APBB1: variants seen among roughly 807,000 people sequenced by gnomAD.
APBB1 encodes the protein amyloid beta precursor protein binding family B member 1, also known as adaptor protein FE65a2.
A neutral mutation model predicts 78.4 loss-of-function variants in APBB1; 22 were observed. The ratio of observed to expected loss-of-function variants is 0.28; its 90% CI spans 0.20 to 0.40. The LOEUF is 0.40. Among genes scored for constraint, APBB1 ranks in the 10% least tolerant of loss-of-function variants. The probability of loss-of-function intolerance (pLI) is 1.00; values close to 1 mark genes in which losing one functional copy is unlikely to be tolerated. For missense variants in APBB1, 749 were observed against 932.4 expected (o/e 0.80, Z 2.56); for synonymous variants, 369 against 372.7 (o/e 0.99, Z 0.12).
rs1848962892 is a variant in APBB1 at position 6,411,412 on chromosome 11, G to C, written c.-14-51C>G. On this transcript the variant is annotated intron_variant, in intron 1 of 14. Coordinates refer to ENST00000609360, the MANE Select transcript of APBB1 (RefSeq NM_001164.5). This position sits in a 1 kb window ranked among gnomAD's most constrained non-coding sequence, Gnocchi z 5.2. ...GTTGAGCCTCTGGTCCAGAACAGCA[G>C]CATCACTGCTTCTGCCCCAGGGCTA... 1 of 1,466,892 alleles carries C rather than the reference G, an allele frequency of 6.8e-7. No homozygotes were observed. The highest frequency in any genetic ancestry group is 9.1e-7 in the Non-Finnish European group (1 of 1,095,412). The allele number at this position is 1,466,892 out of a possible 1,614,324, so 90.9% of individuals were successfully genotyped here.
chr11:6,404,761 C>A (rs1326221406), intron 2 of APBB1: 3 of 1,536,240 alleles, frequency 2.0e-6, no homozygotes, highest in Non-Finnish European at 2.6e-6. Flanking sequence ...TGCTGTCCTG[C>A]AGGATAATGG....
At chr11:6,407,662 G>A (rs1032301951) in intron 2 of APBB1, among the ~76,000 whole-genome samples, 1 of 152,188 alleles carries the variant, frequency 6.6e-6, no homozygotes, top group Admixed American at 6.5e-5. Flanking sequence ...AAAATAATCA[G>A]CTGGAGTGCA....
chr11:6,405,830 C>T (rs1173815360), intron 2 of APBB1, among the ~76,000 whole-genome samples: 1 of 152,188 alleles, frequency 6.6e-6, no homozygotes, highest in Non-Finnish European at 1.5e-5. Flanking sequence ...CCTGCTGTTC[C>T]CTAGAGACCC....
At chr11:6,412,322 T>G (rs950180457) in intron 1 of APBB1, among the ~76,000 whole-genome samples, 2 of 152,156 alleles carry the variant, frequency 1.3e-5, no homozygotes, top group African/African-American at 4.8e-5. Context: ...CCAGGTAATT[T>G]TTGTATTTTT....
Position 6,403,108 on chromosome 11 carries a change from G to A in APBB1, c.1104+37C>T. The A allele has an allele frequency of 6.4e-7, 1 of 1,569,438 alleles. No individual in the cohort carries two copies. Among genetic ancestry groups the A allele is most frequent in the Non-Finnish European group, 8.7e-7 (1 of 1,155,858 alleles). On this transcript the variant is annotated intron_variant, in intron 6 of 14. Transcript: ENST00000609360. This position sits in a 1 kb window ranked among gnomAD's most constrained non-coding sequence, Gnocchi z 5.3. ...TAGGGGCTGTCTGACAAATAAGAGG[G>A]CCCCAGACTCAGAATGGGTGTCAGT...
chr11:6,413,324 GCT>G (rs1223612317), intron 1 of APBB1, among the ~76,000 whole-genome samples: 1 of 152,106 alleles, frequency 6.6e-6, no homozygotes, highest in South Asian at 2.1e-4. Context: ...ACTGCACTGT[GCT>G]CTTTCTCATT....
chr11:6,410,185 T>G (rs753341292), intron 2 of APBB1, among the ~76,000 whole-genome samples: 3 of 152,128 alleles, frequency 2.0e-5, no homozygotes, highest in Non-Finnish European at 2.9e-5. Context: ...AGGCCTGGAC[T>G]GAGACCTGGT....
intron 2 of APBB1, chr11:6,404,933 T>C (rs1447048970): frequency 6.9e-7 from 1 of 1,447,320 alleles, no homozygotes; most frequent in African/African-American, 1.4e-5. Flanking sequence ...GCAGAGCGTC[T>C]GCCAGGCAAG....
At chr11:6,407,436 C>T (rs1052099519) in intron 2 of APBB1, among the ~76,000 whole-genome samples, 2 of 152,216 alleles carry the variant, frequency 1.3e-5, no homozygotes, top group African/African-American at 2.4e-5. Flanking sequence ...TCTATTTGGT[C>T]ACTGACTCAC....
At chr11:6,398,181 C>A (rs1564932670) in intron 12 of APBB1, among the ~76,000 whole-genome samples, 1 of 152,138 alleles carries the variant, frequency 6.6e-6, no homozygotes, top group Non-Finnish European at 1.5e-5. Flanking sequence ...TGACCTCCAG[C>A]CCCACATGCA....
Position 6,411,287 on chromosome 11 carries a change from C to T in APBB1, c.61G>A (p.Ala21Thr), listed in dbSNP as rs367708086. The T allele has an allele frequency of 2.2e-5, 35 of 1,577,060 alleles. No homozygotes were observed. Among genetic ancestry groups the T allele is most frequent in the South Asian group, 2.1e-4 (18 of 85,540 alleles). Reference sequence around the variant, plus strand: ...TGCAGAGGCAGGGGTAGGCTCAGTGCGGGGCCTCCGTGGCTGTTGGCATTA... The same window carrying T: ...TGCAGAGGCAGGGGTAGGCTCAGTGTGGGGCCTCCGTGGCTGTTGGCATTA... The part of the protein sequence containing the change: ...AINANSHGGP[A>T]LSLPLPLHAA... The change falls in exon 2 of 15, where the codon GCA becomes ACA. Residue 21 changes from alanine to threonine, a missense_variant. Ala to Thr is a moderately conservative substitution (Grantham distance 58). Transcript: ENST00000609360. This position sits in a 1 kb window ranked among gnomAD's most constrained non-coding sequence, Gnocchi z 5.2.
At chr11:6,404,660 C>T (rs1450550012) in intron 2 of APBB1, 1 of 1,536,188 alleles carries the variant, frequency 6.5e-7, no homozygotes, top group East Asian at 2.4e-5. Flanking sequence ...CCACTCCAAC[C>T]CTGTAACCCG....
At chr11:6,415,504 T>C (rs775714749) in intron 1 of APBB1, among the ~76,000 whole-genome samples, 9 of 152,152 alleles carry the variant, frequency 5.9e-5, no homozygotes, top group African/African-American at 1.9e-4. Flanking sequence ...CTGGCACCCA[T>C]AGCATTCCCT....
Position 6,403,322 on chromosome 11 carries a change from A to C in APBB1, c.1037T>G (p.Leu346Arg). 6.2e-7 allele frequency: 1 copy of C among 1,613,972 alleles called. No individual in the cohort carries two copies. Among genetic ancestry groups the C allele is most frequent in the Non-Finnish European group, 8.5e-7 (1 of 1,179,944 alleles). Residue 346 changes from leucine to arginine, a missense_variant, in exon 5 of 15, where the codon CTC becomes CGC. Coordinates refer to ENST00000609360, the MANE Select transcript of APBB1 (RefSeq NM_001164.5). This position sits in a 1 kb window ranked among gnomAD's most constrained non-coding sequence, Gnocchi z 5.3. ...CTCACTGCATCTGGCAGCTCACCTG[A>C]GGCTCTGAGCTGGGAAGGTCAACGT... ...EGTLTFPAQS[L>R]SPEPLPQEEE...
Position 6,401,223 on chromosome 11 carries a change from G to T in APBB1, c.1588+122C>A, listed in dbSNP as rs780232578. 1.2e-6 allele frequency: 2 copies of T among 1,610,608 alleles called. No individual in the cohort carries two copies. The highest frequency in any genetic ancestry group is 3.4e-5 in the Admixed American group (2 of 59,330). On this transcript the variant is annotated intron_variant, in intron 11 of 14. Transcript: ENST00000609360. This position sits in a 1 kb window ranked among gnomAD's most constrained non-coding sequence, Gnocchi z 4.5. ...TTAACCGGAGTCCCTCCACGTATTGGAGTATTCAGTCTTCATGTGTTCATT... is the reference window on the plus strand; with the variant it reads ...TTAACCGGAGTCCCTCCACGTATTGTAGTATTCAGTCTTCATGTGTTCATT...
At position 6,411,399 on chromosome 11, in the gene APBB1, G is replaced by A. The variant is rs147377767; in HGVS notation, c.-14-38C>T. On this transcript the variant is annotated intron_variant, in intron 1 of 14. Coordinates refer to ENST00000609360, the MANE Select transcript of APBB1 (RefSeq NM_001164.5). The surrounding 1 kb of genome is among the most constrained non-coding windows in gnomAD (Gnocchi z 5.2). ...GAGGGGAGATGCTGTTGAGCCTCTG[G>A]TCCAGAACAGCAGCATCACTGCTTC... 7,866 of 1,491,976 alleles carry A rather than the reference G, an allele frequency of 5.3e-3. 33 individuals are homozygous for A. Among genetic ancestry groups the A allele is most frequent in the Non-Finnish European group, 6.4e-3 (7,191 of 1,115,880 alleles). 92.4% of individuals were successfully genotyped at this position (1,491,976 alleles called of 1,614,324 possible).
intron 1 of APBB1, among the ~76,000 whole-genome samples, chr11:6,413,311 A>AAC (rs907155901): frequency 1.3e-5 from 2 of 152,026 alleles, no homozygotes; most frequent in African/African-American, 4.8e-5. Flanking sequence ...CATCCCAACA[A>AAC]ACACTGCACT....
chr11:6,410,768 C>A lies in APBB1; in HGVS notation c.580G>T (p.Ala194Ser). The A allele has an allele frequency of 6.3e-7, 1 of 1,599,826 alleles. No individual in the cohort carries two copies. The highest frequency in any genetic ancestry group is 8.5e-7 in the Non-Finnish European group (1 of 1,171,754). The change falls in exon 2 of 15, where the codon GCC becomes TCC. Residue 194 changes from alanine to serine, a missense_variant. This residue lies in a region of APBB1 where 635 missense variants were observed against 765.0 expected (regional missense o/e 0.83). Coordinates refer to ENST00000609360, the MANE Select transcript of APBB1 (RefSeq NM_001164.5). Reference sequence around the variant, plus strand: ...TGTTCCCGGGGGCCATCTGTAAGGGCTTGGGGCCTGGGAGGGGCCTCCACA... The same window carrying A: ...TGTTCCCGGGGGCCATCTGTAAGGGATTGGGGCCTGGGAGGGGCCTCCACA... ...ESVEAPPRPQ[A>S]LTDGPREHSK...
intron 1 of APBB1, among the ~76,000 whole-genome samples, chr11:6,416,795 G>A (rs1849130517): frequency 6.6e-6 from 1 of 150,742 alleles, no homozygotes; most frequent in African/African-American, 2.4e-5. Flanking sequence ...AGGCTACAGT[G>A]CAGTGGCAAG....
Sources: allele counts gnomAD v4.1 joint callset (sites outside exome capture counted in the v4.1 genomes callset), GRCh38; gene constraint gnomAD v4.1.1; regional missense constraint gnomAD v4.1.1; non-coding constraint Gnocchi (gnomAD v3.1); transcripts MANE v1.5; gene names NCBI Gene and HGNC (gene_info 2026-07-23, HGNC 2026-07-21).